Variants in ZNF526 observed in about 807,000 individuals in gnomAD.
ZNF526 encodes the protein zinc finger protein 526.
A neutral mutation model predicts 32.4 loss-of-function variants in ZNF526; 16 were observed. The ratio of observed to expected loss-of-function variants is 0.49; its 90% CI spans 0.33 to 0.75. The LOEUF (loss-of-function observed/expected upper bound fraction) is 0.75, where lower values mean the gene tolerates loss of function less well. Ranked by LOEUF, ZNF526 falls within the 30% of genes least tolerant of loss-of-function variation. The pLI is 0.02. For missense variants in ZNF526, 838 were observed against 920.7 expected, an observed-to-expected ratio of 0.91 and a Z score of 1.16; for synonymous variants, 355 against 363.4, an observed-to-expected ratio of 0.98 and a Z score of 0.26.
chr19:42,226,254 A>G lies in ZNF526; in HGVS notation c.1851A>G (p.Pro617=), dbSNP rs1192621448. The change falls in exon 3 of 3, where the codon CCA becomes CCG. Residue 617 remains proline (P), a synonymous_variant. Transcript: ENST00000301215. The stretch of plus-strand genomic sequence containing the variant: ...CATCTCCTGCCCCACCCCCACCTCC[A>G]GAGCCTCAACAGACTATCATGTGCA... ...RSPSPAPPPP[P]EPQQTIMCTE... is the part of the protein sequence containing the mutation. 6.2e-7 allele frequency: 1 copy of G among 1,613,730 alleles called. No individual in the cohort carries two copies.
In ZNF526 at chr19:42,225,769, CG is replaced by C; in HGVS notation, c.1368del (p.Leu457CysfsTer28). ...CTCCAAGTCCTTTGCCTCAGCTTCC[CG>C]GCTGTCCCGGCACCGGCGTGCAGTA... ...QCSKSFASAS[R>X]LSRHRRAVHG... On this transcript the variant is annotated frameshift_variant, in exon 3 of 3. Coordinates refer to ENST00000301215, the MANE Select transcript of ZNF526 (RefSeq NM_133444.3). LOFTEE classifies it high-confidence loss of function. 6.2e-7 allele frequency: 1 copy of C among 1,613,320 alleles called. No individual in the cohort carries two copies. Among genetic ancestry groups the C allele is most frequent in the Non-Finnish European group, 8.5e-7 (1 of 1,179,928 alleles).
Position 42,220,403 on chromosome 19 carries a change from G to C in ZNF526, c.-109+16G>C, listed in dbSNP as rs2036108400. ...AGAGAAACGGGTGAGGGCGCCGCGC[G>C]GGGCTGGACTGGGAAGAGAACGCTG... is the stretch of plus-strand genomic sequence containing the variant. On this transcript the variant is annotated intron_variant, in intron 1 of 2. Transcript: ENST00000301215. 1 of 152,854 alleles carries C rather than the reference G, an allele frequency of 6.5e-6. No individual in the cohort carries two copies. Among genetic ancestry groups the C allele is most frequent in the Non-Finnish European group, 1.5e-5 (1 of 68,514 alleles). 9.5% of individuals were successfully genotyped at this position (152,854 alleles called of 1,614,324 possible). A position where few individuals can be genotyped will look rare whatever the true frequency, so the allele number is the denominator to read the frequency against.
At position 42,225,661 on chromosome 19, in the gene ZNF526, G is replaced by C. The variant is rs766438257; in HGVS notation, c.1258G>C (p.Ala420Pro). The C allele has an allele frequency of 1.5e-5, 24 of 1,613,424 alleles. No homozygotes were observed. The Middle Eastern group carries it at 1.3e-3, about 89-fold the overall frequency. ...AGKSGAPPTG[A>P]TAPPAPAEPT... The stretch of plus-strand genomic sequence containing the variant: ...CAAAAGCGGGGCACCTCCCACAGGA[G>C]CAACAGCTCCCCCAGCTCCAGCGGA... Residue 420 changes from alanine to proline, a missense_variant, in exon 3 of 3, where the codon GCA (alanine) becomes CCA (proline). Physicochemically the swap from Ala to Pro is conservative, Grantham distance 27 (BLOSUM62 -1). Coordinates refer to ENST00000301215, the MANE Select transcript of ZNF526 (RefSeq NM_133444.3).
chr19:42,224,882 A>C lies in ZNF526; in HGVS notation c.479A>C (p.Lys160Thr), dbSNP rs730882205. 3 of 1,613,984 alleles carry C rather than the reference A, an allele frequency of 1.9e-6. No individual in the cohort carries two copies. In the Middle Eastern group the frequency reaches 4.9e-4, roughly 266 times the overall value. ...PSPELWVAHR[K>T]AQHLSATVAE... ...CCCGAGCTGTGGGTGGCTCATCGAA[A>C]GGCCCAGCACCTTTCTGCTACGGTA... Residue 160 changes from lysine to threonine, a missense_variant, in exon 3 of 3, where the codon AAG (lysine) becomes ACG (threonine). By Grantham distance (78) the Lys-to-Thr change is moderately conservative. Coordinates refer to ENST00000301215, the MANE Select transcript of ZNF526 (RefSeq NM_133444.3).
In ZNF526 at chr19:42,224,772, C is replaced by T; in HGVS notation, c.369C>T (p.Leu123=). ...CSQLILSPGE[L]LAHQDAHLRE... is the part of the protein sequence containing the mutation. The stretch of plus-strand genomic sequence containing the variant: ...AGCTCATCCTCTCCCCTGGGGAGCT[C>T]CTGGCCCACCAGGATGCCCACCTCC... Residue 123 remains leucine (L), a synonymous_variant, in exon 3 of 3, where the codon CTC becomes CTT. Transcript: ENST00000301215. 1.9e-6 allele frequency: 3 copies of T among 1,614,030 alleles called. No homozygotes were observed. The highest frequency in any genetic ancestry group is 2.2e-5 in the East Asian group (1 of 44,880).
Position 42,227,189 on chromosome 19 carries a change from C to G in ZNF526, c.*773C>G, listed in dbSNP as rs1032572868. 1 of 167,514 alleles carries G rather than the reference C, an allele frequency of 6.0e-6. No homozygotes were observed. Among genetic ancestry groups the G allele is most frequent in the Non-Finnish European group, 1.5e-5 (1 of 68,570 alleles). The allele number at this position is 167,514 out of a possible 1,614,324, so 10.4% of individuals were successfully genotyped here. On this transcript the variant is annotated 3_prime_UTR_variant, in exon 3 of 3. Transcript: ENST00000301215. Reference sequence around the variant, plus strand: ...TGGGGATGTGCAGGGACAGTGGGATCCCAGGAAACAGACCTCCATGGTGGG... The same window carrying G: ...TGGGGATGTGCAGGGACAGTGGGATGCCAGGAAACAGACCTCCATGGTGGG...
In ZNF526 at chr19:42,227,016, TAGG is replaced by T. The variant is rs1282395492; in HGVS notation, c.*603_*605del. 5.2e-6 allele frequency: 1 copy of T among 194,154 alleles called. No homozygotes were observed. Among genetic ancestry groups the T allele is most frequent in the Non-Finnish European group, 1.2e-5 (1 of 82,746 alleles). The allele number at this position is 194,154 out of a possible 1,614,324, so 12.0% of individuals were successfully genotyped here. The stretch of plus-strand genomic sequence containing the variant: ...CCCACAGGAGGCATGCACAATCTGG[TAGG>T]AGAAACGCACAAGTACAGATAGCTT... On this transcript the variant is annotated 3_prime_UTR_variant, in exon 3 of 3. Transcript: ENST00000301215.
rs376507387 is a variant in ZNF526 at position 42,226,142 on chromosome 19, G to A, written c.1739G>A (p.Arg580His). The A allele has an allele frequency of 3.2e-5, 51 of 1,606,684 alleles. No homozygotes were observed. Among genetic ancestry groups the A allele is most frequent in the Middle Eastern group, 1.6e-4 (1 of 6,062 alleles). The stretch of plus-strand genomic sequence containing the variant: ...CCCTACTACTGCGGGACTTGTGGCC[G>A]CTGGTTCCGCGCCATGGCGGGCTTG... Reference protein sequence around the residue: ...KSPYYCGTCGRWFRAMAGLRL... With the variant: ...KSPYYCGTCGHWFRAMAGLRL... The change falls in exon 3 of 3, where the codon CGC (arginine) becomes CAC (histidine). Residue 580 changes from arginine (R) to histidine (H), a missense_variant. Transcript: ENST00000301215.
chr19:42,225,973 G>C lies in ZNF526; in HGVS notation c.1570G>C (p.Gly524Arg), dbSNP rs773246680. 4.3e-6 allele frequency: 7 copies of C among 1,614,038 alleles called. No homozygotes were observed. In the Admixed American group the frequency reaches 1.2e-4, roughly 27 times the overall value. ...NLSRHQLTHTGARPYQCLDCG... is the reference protein window; with the variant it reads ...NLSRHQLTHTRARPYQCLDCG... ...CAGCCGCCACCAGCTGACCCATACG[G>C]GTGCACGTCCCTACCAATGCCTGGA... Residue 524 changes from glycine (G) to arginine (R), a missense_variant, in exon 3 of 3, where the codon GGT becomes CGT. Coordinates refer to ENST00000301215, the MANE Select transcript of ZNF526 (RefSeq NM_133444.3).
At position 42,224,494 on chromosome 19, in the gene ZNF526, A is replaced by G; in HGVS notation, c.91A>G (p.Met31Val). 6.2e-7 allele frequency: 1 copy of G among 1,614,180 alleles called. No homozygotes were observed. The highest frequency in any genetic ancestry group is 2.2e-5 in the East Asian group (1 of 44,880). The change falls in exon 3 of 3, where the codon ATG becomes GTG. Residue 31 changes from methionine to valine, a missense_variant. Met to Val is a conservative substitution (Grantham distance 21, BLOSUM62 1). Transcript: ENST00000301215. Reference sequence around the variant, plus strand: ...GTCAACACCTATGTCGGCAGAGATGATGGAGATGTCAACAGAAGTGACTGA... The same window carrying G: ...GTCAACACCTATGTCGGCAGAGATGGTGGAGATGTCAACAGAAGTGACTGA... ...EMSTPMSAEM[M>V]EMSTEVTEMT...
rs747300825 is a variant in ZNF526, at chr19:42,225,341, G to A, written c.938G>A (p.Ser313Asn). 121 of 1,613,796 alleles carry A rather than the reference G, an allele frequency of 7.5e-5. No homozygotes were observed. The highest frequency in any genetic ancestry group is 2.2e-4 in the Admixed American group (13 of 60,014). Residue 313 changes from serine (S) to asparagine (N), a missense_variant, in exon 3 of 3, where the codon AGT becomes AAT. By Grantham distance (46) the Ser-to-Asn change is conservative. Coordinates refer to ENST00000301215, the MANE Select transcript of ZNF526 (RefSeq NM_133444.3). ...HPFHCSQCQR[S>N]FSSANRLQAH... ...TTCCACTGCAGCCAGTGTCAGCGCAGTTTCAGCTCCGCCAACCGGCTGCAG... is the reference window on the plus strand; with the variant it reads ...TTCCACTGCAGCCAGTGTCAGCGCAATTTCAGCTCCGCCAACCGGCTGCAG...
In ZNF526 at chr19:42,225,188, T is replaced by G. The variant is rs1213412468; in HGVS notation, c.785T>G (p.Val262Gly). ...EAMAEVGDDA[V>G]GGDESTAGWA... ...ATGGCAGAGGTCGGTGATGATGCTG[T>G]GGGAGGTGACGAGTCCACAGCTGGC... Residue 262 changes from valine to glycine, a missense_variant, in exon 3 of 3, where the codon GTG (valine) becomes GGG (glycine). Transcript: ENST00000301215. 1 of 1,614,140 alleles carries G rather than the reference T, an allele frequency of 6.2e-7. No individual in the cohort carries two copies. Among genetic ancestry groups the G allele is most frequent in the Non-Finnish European group, 8.5e-7 (1 of 1,179,994 alleles).
Position 42,224,305 on chromosome 19 carries a change from G to A in ZNF526, c.-18G>A. The A allele has an allele frequency of 1.0e-6, 1 of 987,782 alleles. No individual in the cohort carries two copies. Among genetic ancestry groups the A allele is most frequent in the Non-Finnish European group, 1.6e-6 (1 of 624,612 alleles). The allele number at this position is 987,782 out of a possible 1,614,324, so 61.2% of individuals were successfully genotyped here. ...GATTAAGACTTCCTGAGCGATAGCTGGTGAGTAGTGGGATGTGCAAGAGAA... is the reference window on the plus strand; with the variant it reads ...GATTAAGACTTCCTGAGCGATAGCTAGTGAGTAGTGGGATGTGCAAGAGAA... On this transcript the variant is annotated splice_region_variant and 5_prime_UTR_variant, in exon 2 of 3. Coordinates refer to ENST00000301215, the MANE Select transcript of ZNF526 (RefSeq NM_133444.3).
rs766668438 is a variant in ZNF526 at position 42,225,367 on chromosome 19, G to A, written c.964G>A (p.Ala322Thr). Residue 322 changes from alanine (A) to threonine (T), a missense_variant, in exon 3 of 3, where the codon GCT becomes ACT. Coordinates refer to ENST00000301215, the MANE Select transcript of ZNF526 (RefSeq NM_133444.3). The part of the protein sequence containing the change: ...RSFSSANRLQ[A>T]HGRAHVGGTH... ...TTTCAGCTCCGCCAACCGGCTGCAG[G>A]CTCATGGGCGGGCCCATGTTGGTGG... 2 of 1,613,988 alleles carry A rather than the reference G, an allele frequency of 1.2e-6. No homozygotes were observed. Among genetic ancestry groups the A allele is most frequent in the Non-Finnish European group, 1.7e-6 (2 of 1,180,014 alleles).
chr19:42,221,424 G>GT (rs2036121889), intron 1 of ZNF526, among the ~76,000 whole-genome samples: 1 of 152,100 alleles, frequency 6.6e-6, no homozygotes, highest in African/African-American at 2.4e-5. Flanking sequence ...CTTGAGGTCA[G>GT]GAGTTGAAGA....
At position 42,225,510 on chromosome 19, in the gene ZNF526, T is replaced by C. The variant is rs1312654551; in HGVS notation, c.1107T>C (p.Phe369=). Residue 369 remains phenylalanine (F), a synonymous_variant, in exon 3 of 3, where the codon TTT becomes TTC. Coordinates refer to ENST00000301215, the MANE Select transcript of ZNF526 (RefSeq NM_133444.3). ...RYLCVDCGRG[F]GTELTLVAHR... ...TCTGTGTAGACTGTGGCCGCGGCTT[T>C]GGCACAGAACTCACGTTGGTGGCTC... 3.1e-6 allele frequency: 5 copies of C among 1,613,838 alleles called. No homozygotes were observed. The highest frequency in any genetic ancestry group is 2.5e-6 in the Non-Finnish European group (3 of 1,179,776).
At position 42,226,805 on chromosome 19, in the gene ZNF526, C is replaced by G. The variant is rs1018538782; in HGVS notation, c.*389C>G. The G allele has an allele frequency of 6.1e-6, 2 of 330,182 alleles. No individual in the cohort carries two copies. The highest frequency in any genetic ancestry group is 1.6e-4 in the East Asian group (2 of 12,520). 20.5% of individuals were successfully genotyped at this position (330,182 alleles called of 1,614,324 possible). A position where few individuals can be genotyped will look rare whatever the true frequency, so the allele number is the denominator to read the frequency against. On this transcript the variant is annotated 3_prime_UTR_variant, in exon 3 of 3. Transcript: ENST00000301215. ...CTCTTCAGATCCTCTGCTTGTACCCCCAGCCCTTGCCTTCCCTGGATTTTG... is the reference window on the plus strand; with the variant it reads ...CTCTTCAGATCCTCTGCTTGTACCCGCAGCCCTTGCCTTCCCTGGATTTTG...
intron 2 of ZNF526, 37 bp from the exon 3 acceptor site, chr19:42,224,350 C>T: frequency 2.6e-6 from 4 of 1,533,768 alleles, no homozygotes; most frequent in Non-Finnish European, 3.6e-6. Context: ...CCCTTGGTTT[C>T]CTGCTGTCTC....
intron 1 of ZNF526, among the ~76,000 whole-genome samples, chr19:42,221,188 G>A (rs763607995): frequency 1.3e-5 from 2 of 152,208 alleles, no homozygotes; most frequent in Non-Finnish European, 2.9e-5. Context: ...AATGGACTGT[G>A]CATAGGGACA....
Sources: gnomAD v4.1 joint callset for allele counts (sites outside exome capture counted in the v4.1 genomes callset) on GRCh38, gnomAD v4.1.1 for gene constraint, MANE v1.5 for transcripts, NCBI Gene and HGNC (gene_info 2026-07-23, HGNC 2026-07-21) for gene names.